Variants in PRSS16 observed in about 807,000 individuals in gnomAD.
The protein encoded by PRSS16 is serine protease 16.
In PRSS16, 43 loss-of-function variants were observed where a neutral mutation model predicts 61.7. The ratio of observed to expected loss-of-function variants is 0.70; its 90% CI spans 0.55 to 0.90. The LOEUF is 0.90. Ranked by LOEUF, PRSS16 falls within the 40% of genes least tolerant of loss-of-function variation. The probability of loss-of-function intolerance (pLI) is 0.00; values close to 1 mark genes in which losing one functional copy is unlikely to be tolerated. For missense variants in PRSS16, 591 were observed against 659.1 expected, an observed-to-expected ratio of 0.90 and a Z score of 1.13; for synonymous variants, 273 against 285.2, an observed-to-expected ratio of 0.96 and a Z score of 0.43.
At position 27,249,221 on chromosome 6, in the gene PRSS16, C is replaced by T. The variant is rs766958944; in HGVS notation, c.459C>T (p.Ser153=). Residue 153 remains serine (S), a synonymous_variant, in exon 4 of 12, where the codon AGC becomes AGT. Coordinates refer to ENST00000230582, the MANE Select transcript of PRSS16 (RefSeq NM_005865.4). ...LEMAQLRFLS[S]RLALADVVSA... ...TGGCCCAGCTCCGCTTCTTGTCCAG[C>T]CGCCTTGCGTGAGTGGAGGAAGGGA... The T allele has an allele frequency of 2.5e-6, 4 of 1,613,526 alleles. No homozygotes were observed. Among genetic ancestry groups the T allele is most frequent in the Non-Finnish European group, 3.4e-6 (4 of 1,179,796 alleles).
rs1274382498 is a variant in PRSS16, at chr6:27,251,394, A to G, written c.717+130A>G. 6.7e-6 allele frequency: 8 copies of G among 1,202,004 alleles called. No individual in the cohort carries two copies. Among genetic ancestry groups the G allele is most frequent in the Non-Finnish European group, 9.1e-6 (8 of 882,038 alleles). 74.5% of individuals were successfully genotyped at this position (1,202,004 alleles called of 1,614,324 possible). A position where few individuals can be genotyped will look rare whatever the true frequency, so the allele number is the denominator to read the frequency against. On this transcript the variant is annotated intron_variant, in intron 7 of 11. Transcript: ENST00000230582. This position sits in a 1 kb window ranked among gnomAD's most constrained non-coding sequence, Gnocchi z 5.6. Reference sequence around the variant, plus strand: ...CTAAGGAAGGTCGGAGCTCGGGGGAATACGCAGGTTTTGGAAGAAGGCGGG... The same window carrying G: ...CTAAGGAAGGTCGGAGCTCGGGGGAGTACGCAGGTTTTGGAAGAAGGCGGG...
Position 27,251,771 on chromosome 6 carries a change from G to A in PRSS16, c.739G>A (p.Ala247Thr). The change falls in exon 8 of 12, where the codon GCC becomes ACC. Residue 247 changes from alanine to threonine, a missense_variant. By Grantham distance (58) the Ala-to-Thr change is moderately conservative (BLOSUM62 0). Transcript: ENST00000230582. This position sits in a 1 kb window ranked among gnomAD's most constrained non-coding sequence, Gnocchi z 5.6. ...SLECRAAVSV[A>T]FAEVERRLRS... ...ACAGTGCCGGGCGGCGGTGTCCGTC[G>A]CCTTCGCTGAAGTGGAGCGGCGGCT... 1 of 1,606,376 alleles carries A rather than the reference G, an allele frequency of 6.2e-7. No individual in the cohort carries two copies. The highest frequency in any genetic ancestry group is 8.5e-7 in the Non-Finnish European group (1 of 1,178,468).
Position 27,255,151 on chromosome 6 carries a change from G to C in PRSS16, c.1476+20G>C. 1 of 1,614,058 alleles carries C rather than the reference G, an allele frequency of 6.2e-7. No individual in the cohort carries two copies. Among genetic ancestry groups the C allele is most frequent in the Non-Finnish European group, 8.5e-7 (1 of 1,179,996 alleles). ...CGCCAGGTAAGAGAAAAAAGGCTCT[G>C]AATCATTTGCATTCTCATTTGAATA... is the stretch of plus-strand genomic sequence containing the variant. On this transcript the variant is annotated intron_variant, in intron 11 of 11. Coordinates refer to ENST00000230582, the MANE Select transcript of PRSS16 (RefSeq NM_005865.4). The surrounding 1 kb of genome is among the most constrained non-coding windows in gnomAD (Gnocchi z 4.4).
chr6:27,251,977 C>T lies in PRSS16; in HGVS notation c.945C>T (p.Leu315=). The T allele has an allele frequency of 1.3e-6, 2 of 1,591,872 alleles. No homozygotes were observed. The highest frequency in any genetic ancestry group is 1.7e-6 in the Non-Finnish European group (2 of 1,171,122). ...PLSVRQLCGL[L]LGGGGNRSHS... ...GCGTGCGACAGCTCTGCGGACTTCT[C>T]CTCGGGGGCGGGGGCAACCGCAGCC... Residue 315 remains leucine, a synonymous_variant, in exon 8 of 12, where the codon CTC becomes CTT. Coordinates refer to ENST00000230582, the MANE Select transcript of PRSS16 (RefSeq NM_005865.4). The surrounding 1 kb of genome is among the most constrained non-coding windows in gnomAD (Gnocchi z 5.6).
intron 9 of PRSS16, chr6:27,253,218 G>C: frequency 4.2e-6 from 2 of 472,898 alleles, no homozygotes; most frequent in South Asian, 4.8e-5. Context: ...TCCAGGGATG[G>C]CCCCCTTTCC....
rs1474753346 is a variant in PRSS16, at chr6:27,249,092, CTT to C, written c.338-7_338-6del. ...CCTCCCCACCCCCCACCCATACACT[CTT>C]CACAGGCCATCCCGCAGCCTTGGCC... On this transcript the variant is annotated splice_polypyrimidine_tract_variant and splice_region_variant and intron_variant, in intron 3 of 11. Transcript: ENST00000230582. 3 of 846,106 alleles carry C rather than the reference CTT, an allele frequency of 3.5e-6. No homozygotes were observed. The Admixed American group carries it at 6.8e-5, about 19-fold the overall frequency. 52.4% of individuals were successfully genotyped at this position (846,106 alleles called of 1,614,324 possible). A position where few individuals can be genotyped will look rare whatever the true frequency, so the allele number is the denominator to read the frequency against.
Position 27,249,126 on chromosome 6 carries a change from T to C in PRSS16, c.364T>C (p.Trp122Arg), listed in dbSNP as rs1198285867. ...RGHPAALAPA[W>R]GALVISLEHR... ...CCATCCCGCAGCCTTGGCCCCAGCC[T>C]GGGGCGCCCTGGTGATAAGCCTGGA... is the stretch of plus-strand genomic sequence containing the variant. Residue 122 changes from tryptophan (W) to arginine (R), a missense_variant, in exon 4 of 12, where the codon TGG becomes CGG. Physicochemically the swap from Trp to Arg is moderately radical, Grantham distance 101. Transcript: ENST00000230582. 2 of 1,561,700 alleles carry C rather than the reference T, an allele frequency of 1.3e-6. No homozygotes were observed. Among genetic ancestry groups the C allele is most frequent in the Non-Finnish European group, 1.7e-6 (2 of 1,155,482 alleles).
In PRSS16 at chr6:27,255,081, A is replaced by T; in HGVS notation, c.1426A>T (p.Met476Leu). ...LIRTGSHCLD[M>L]APERPSDSPS... ...CCGCACTGGCTCCCACTGCTTGGAC[A>T]TGGCACCTGAGAGGCCCTCAGACTC... The change falls in exon 11 of 12, where the codon ATG becomes TTG. Residue 476 changes from methionine (M) to leucine (L), a missense_variant. By Grantham distance (15) the Met-to-Leu change is conservative. Coordinates refer to ENST00000230582, the MANE Select transcript of PRSS16 (RefSeq NM_005865.4). This position sits in a 1 kb window ranked among gnomAD's most constrained non-coding sequence, Gnocchi z 4.4. 6.2e-7 allele frequency: 1 copy of T among 1,614,188 alleles called. No homozygotes were observed. Among genetic ancestry groups the T allele is most frequent in the South Asian group, 1.1e-5 (1 of 91,080 alleles).
chr6:27,252,856 G>C lies in PRSS16; in HGVS notation c.1057G>C (p.Glu353Gln). ...GQKCLSFSRA[E>Q]TVAQLRSTEP... ...GAAGTGTTTAAGCTTTTCCCGAGCAGAGACAGTGGCACAGCTGAGGAGCAC... is the reference window on the plus strand; with the variant it reads ...GAAGTGTTTAAGCTTTTCCCGAGCACAGACAGTGGCACAGCTGAGGAGCAC... Residue 353 changes from glutamate (E) to glutamine (Q), a missense_variant, in exon 9 of 12, where the codon GAG becomes CAG. Glu to Gln is a conservative substitution (Grantham distance 29). Coordinates refer to ENST00000230582, the MANE Select transcript of PRSS16 (RefSeq NM_005865.4). The surrounding 1 kb of genome is among the most constrained non-coding windows in gnomAD (Gnocchi z 4.2). 1 of 1,614,202 alleles carries C rather than the reference G, an allele frequency of 6.2e-7. No individual in the cohort carries two copies. Among genetic ancestry groups the C allele is most frequent in the Non-Finnish European group, 8.5e-7 (1 of 1,180,046 alleles).
chr6:27,255,446 T>A lies in PRSS16; in HGVS notation c.*131T>A. ...TGGAATTCAGCACCTGTTCCGCACG[T>A]AATTGGCATGTGTCTGCAAACATCC... On this transcript the variant is annotated 3_prime_UTR_variant, in exon 12 of 12. Coordinates refer to ENST00000230582, the MANE Select transcript of PRSS16 (RefSeq NM_005865.4). The surrounding 1 kb of genome is among the most constrained non-coding windows in gnomAD (Gnocchi z 4.4). 3 of 903,038 alleles carry A rather than the reference T, an allele frequency of 3.3e-6. No homozygotes were observed. The highest frequency in any genetic ancestry group is 5.1e-6 in the Non-Finnish European group (3 of 592,772). 55.9% of individuals were successfully genotyped at this position (903,038 alleles called of 1,614,324 possible). A position where few individuals can be genotyped will look rare whatever the true frequency, so the allele number is the denominator to read the frequency against.
chr6:27,248,748 G>A (rs1761272292), intron 2 of PRSS16, 99 bp from the exon 3 acceptor site: 1 of 771,202 alleles, frequency 1.3e-6, no homozygotes, highest in Non-Finnish European at 2.1e-6. Context: ...AAGTACATAA[G>A]GAAAGATCCA....
intron 4 of PRSS16, 70 bp from the exon 5 acceptor site, chr6:27,250,613 C>A: frequency 6.6e-7 from 1 of 1,509,700 alleles, no homozygotes; most frequent in Non-Finnish European, 8.8e-7. Flanking sequence ...ATCCGGGTTT[C>A]CCCCAGAATG....
intron 4 of PRSS16, among the ~76,000 whole-genome samples, 174 bp from the exon 5 acceptor site, chr6:27,250,509 T>C (rs1317489052): frequency 6.6e-6 from 1 of 152,244 alleles, no homozygotes; most frequent in Non-Finnish European, 1.5e-5. Flanking sequence ...GCACACATGT[T>C]CTGGGAAGTG....
chr6:27,251,251 G>C lies in PRSS16; in HGVS notation c.704G>C (p.Gly235Ala). Residue 235 changes from glycine to alanine, a missense_variant, in exon 7 of 12, where the codon GGC becomes GCC. Coordinates refer to ENST00000230582, the MANE Select transcript of PRSS16 (RefSeq NM_005865.4). The surrounding 1 kb of genome is among the most constrained non-coding windows in gnomAD (Gnocchi z 5.6). ...CGAAGCCTAATGAGCACCGCGATCG[G>C]CGGGTCCCTGGAGGTAGGAGGTGGG... is the stretch of plus-strand genomic sequence containing the variant. ...VSRSLMSTAI[G>A]GSLECRAAVS... 1 of 1,607,972 alleles carries C rather than the reference G, an allele frequency of 6.2e-7. No homozygotes were observed.
chr6:27,255,631 C>A lies in PRSS16; in HGVS notation c.*316C>A. The A allele has an allele frequency of 3.6e-6, 1 of 280,914 alleles. No homozygotes were observed. Among genetic ancestry groups the A allele is most frequent in the African/African-American group, 2.2e-5 (1 of 44,728 alleles). The allele number at this position is 280,914 out of a possible 1,614,324, so 17.4% of individuals were successfully genotyped here. A position where few individuals can be genotyped will look rare whatever the true frequency, so the allele number is the denominator to read the frequency against. Reference sequence around the variant, plus strand: ...TGATCAGATTCTGGTTCAAATTCTGCCACTCCAGCTCCTGGGTTAGGGGCT... The same window carrying A: ...TGATCAGATTCTGGTTCAAATTCTGACACTCCAGCTCCTGGGTTAGGGGCT... On this transcript the variant is annotated 3_prime_UTR_variant, in exon 12 of 12. Transcript: ENST00000230582. The surrounding 1 kb of genome is among the most constrained non-coding windows in gnomAD (Gnocchi z 4.4).
intron 2 of PRSS16, 125 bp downstream of exon 2, chr6:27,248,173 C>A: frequency 8.5e-7 from 1 of 1,170,438 alleles, no homozygotes; most frequent in Non-Finnish European, 1.2e-6. Flanking sequence ...CTGCTTGAAT[C>A]TCATGTTATG....
Position 27,247,757 on chromosome 6 carries a change from A to T in PRSS16, c.20A>T (p.Gln7Leu), listed in dbSNP as rs764047754. ...AACACCATGGCCGTCTGGCTTGCCCAGTGGCTGGGCCCTCTGCTCTTGGTT... is the reference window on the plus strand; with the variant it reads ...AACACCATGGCCGTCTGGCTTGCCCTGTGGCTGGGCCCTCTGCTCTTGGTT... MAVWLA[Q>L]WLGPLLLVSL... The change falls in exon 1 of 12, where the codon CAG (glutamine) becomes CTG (leucine). Residue 7 changes from glutamine to leucine, a missense_variant. Gln to Leu is a moderately radical substitution (Grantham distance 113, BLOSUM62 -2). Coordinates refer to ENST00000230582, the MANE Select transcript of PRSS16 (RefSeq NM_005865.4). The T allele has an allele frequency of 6.3e-7, 1 of 1,586,128 alleles. No individual in the cohort carries two copies. The highest frequency in any genetic ancestry group is 1.8e-5 in the Admixed American group (1 of 54,882).
At chr6:27,249,264 G>T in intron 4 of PRSS16, 35 bp downstream of exon 4, 1 of 1,601,934 alleles carries the variant, frequency 6.2e-7, no homozygotes. Context: ...TATGGTCAAA[G>T]GACAGGAATG....
At chr6:27,248,561 T>C (rs146052193) in intron 2 of PRSS16, among the ~76,000 whole-genome samples, 1 of 152,262 alleles carries the variant, frequency 6.6e-6, no homozygotes, top group African/African-American at 2.4e-5. Context: ...TATTTTACAA[T>C]TATTACTTCA....
Sources: allele counts gnomAD v4.1 joint callset (sites outside exome capture counted in the v4.1 genomes callset), GRCh38; gene constraint gnomAD v4.1.1; non-coding constraint Gnocchi (gnomAD v3.1); transcripts MANE v1.5; gene names NCBI Gene and HGNC (gene_info 2026-07-23, HGNC 2026-07-21).